The following SNTG1 variants were observed in gnomAD, a reference collection of about 807,000 sequenced individuals.
The protein encoded by SNTG1 is syntrophin gamma 1.
In SNTG1, 39 loss-of-function variants were observed where a neutral mutation model predicts 74.7. That is an observed-to-expected ratio of 0.52 (90% CI 0.40 to 0.68). SNTG1 has a LOEUF of 0.68. Among genes scored for constraint, SNTG1 ranks in the 30% least tolerant of loss-of-function variants. The probability of loss-of-function intolerance (pLI) is 0.00; values close to 1 mark genes in which losing one functional copy is unlikely to be tolerated. For synonymous variants in SNTG1, 254 were observed against 217.1 expected, an observed-to-expected ratio of 1.17 and a Z score of -1.49; for missense variants, 685 against 609.5, an observed-to-expected ratio of 1.12 and a Z score of -1.30.
chr8:50,158,258 G>T (rs76750387), intron 1 of SNTG1, among the ~76,000 whole-genome samples: 4 of 152,184 alleles, frequency 2.6e-5, no homozygotes, highest in Non-Finnish European at 5.9e-5. Flanking sequence ...GAAAATTCTT[G>T]AATTTATATG....
intron 12 of SNTG1, among the ~76,000 whole-genome samples, chr8:50,584,370 A>ACC (rs1421295402): frequency 1.3e-5 from 2 of 151,818 alleles, no homozygotes; most frequent in African/African-American, 4.8e-5. Context: ...GAACTAGTTT[A>ACC]CCGTCCCACC....
rs935311386 is a variant in SNTG1 at position 50,723,208 on chromosome 8, T to C, written c.1284+14230T>C. 2.2e-4 allele frequency among the ~76,000 whole-genome samples: 33 copies of C among 152,166 alleles called. 1 individual carries two copies. Among genetic ancestry groups the C allele is most frequent in the Admixed American group, 2.1e-3 (32 of 15,270 alleles). ...AGTAAAAATCTGGTCTGTAATTACT[T>C]AATATAAAGGTTTTGGGTCAAATTC... On this transcript the variant is annotated intron_variant, in intron 17 of 18. Transcript: ENST00000642720.
chr8:50,467,426 A>G (rs925759541), intron 8 of SNTG1, among the ~76,000 whole-genome samples: 1 of 151,796 alleles, frequency 6.6e-6, no homozygotes, highest in Admixed American at 6.6e-5. Flanking sequence ...GCGGGCATAG[A>G]GTTGTTCACA....
chr8:50,416,679 G>T (rs1203226640), intron 4 of SNTG1, among the ~76,000 whole-genome samples: 1 of 151,934 alleles, frequency 6.6e-6, no homozygotes, highest in African/African-American at 2.4e-5. Context: ...GAGACATTTT[G>T]TTTATGACTA....
At chr8:50,147,300 A>G (rs569571889) in intron 1 of SNTG1, among the ~76,000 whole-genome samples, 1 of 152,376 alleles carries the variant, frequency 6.6e-6, no homozygotes, top group Admixed American at 6.5e-5. Context: ...TTATAAATGT[A>G]TAACAAACTT....
intron 1 of SNTG1, among the ~76,000 whole-genome samples, chr8:50,136,183 C>T (rs1428549865): frequency 1.3e-5 from 2 of 152,068 alleles, no homozygotes; most frequent in African/African-American, 4.8e-5. Context: ...GATTTCATGG[C>T]TTTTCTATTG....
chr8:50,051,366 A>G (rs1819561772), intron 1 of SNTG1, among the ~76,000 whole-genome samples: 1 of 152,068 alleles, frequency 6.6e-6, no homozygotes, highest in African/African-American at 2.4e-5. Flanking sequence ...TACACTAGCA[A>G]TATGCAATCC....
At chr8:50,308,699 C>T (rs1436976894) in intron 2 of SNTG1, among the ~76,000 whole-genome samples, 1 of 152,048 alleles carries the variant, frequency 6.6e-6, no homozygotes, top group African/African-American at 2.4e-5. Flanking sequence ...TATGTCATAC[C>T]TACTCATTTA....
chr8:49,940,498 T>TA (rs372914857), intron 1 of SNTG1, among the ~76,000 whole-genome samples: 2 of 152,198 alleles, frequency 1.3e-5, no homozygotes, highest in African/African-American at 4.8e-5. Flanking sequence ...GAAATTCATG[T>TA]AAAAAAATCC....
Position 50,449,688 on chromosome 8 carries a change from T to C in SNTG1, c.240T>C (p.Ile80=). 1.3e-6 allele frequency: 2 copies of C among 1,599,622 alleles called. No individual in the cohort carries two copies. The highest frequency in any genetic ancestry group is 1.7e-6 in the Non-Finnish European group (2 of 1,171,764). Residue 80 remains isoleucine (I), a synonymous_variant, in exon 6 of 19, where the codon ATT becomes ATC. Transcript: ENST00000642720. ...TTCAGGGAGGAGCAGAACATAACAT[T>C]CCAGTTGTCGTTTCAAAAATCTCCA... ...LSIKGGAEHN[I]PVVVSKISKE... is the part of the protein sequence containing the mutation.
chr8:50,747,960 A>G (rs889247692), intron 17 of SNTG1: 2 of 151,458 alleles, frequency 1.3e-5, no homozygotes, highest in South Asian at 4.2e-4. Context: ...GTAAGACACA[A>G]TTTTTTTTTA....
At chr8:50,242,858 CTTTTA>C (rs1346832104) in intron 2 of SNTG1, among the ~76,000 whole-genome samples, 4 of 151,122 alleles carry the variant, frequency 2.6e-5, no homozygotes, top group Non-Finnish European at 1.5e-5. Flanking sequence ...CATATACTAC[CTTTTA>C]TTTATTTATG....
At chr8:50,127,580 G>C (rs1429662533) in intron 1 of SNTG1, among the ~76,000 whole-genome samples, 1 of 152,136 alleles carries the variant, frequency 6.6e-6, no homozygotes, top group South Asian at 2.1e-4. Flanking sequence ...CAATTTTCCT[G>C]TAATAACTGC....
At chr8:49,960,355 G>A (rs554537578) in intron 1 of SNTG1, among the ~76,000 whole-genome samples, 28 of 152,262 alleles carry the variant, frequency 1.8e-4, no homozygotes, top group Middle Eastern at 3.4e-3. Context: ...TAAATCAAGA[G>A]TCAAGATAAT....
intron 9 of SNTG1, among the ~76,000 whole-genome samples, chr8:50,511,546 G>A (rs1283618796): frequency 2.6e-5 from 4 of 152,148 alleles, no homozygotes. Context: ...TTGTGTGGGA[G>A]TCTAAGTCTC....
chr8:50,284,495 C>T (rs1004867283), intron 2 of SNTG1, among the ~76,000 whole-genome samples: 2 of 152,074 alleles, frequency 1.3e-5, no homozygotes, highest in Admixed American at 6.6e-5. Context: ...CAGATGGGTC[C>T]TTTAACATCC....
intron 13 of SNTG1, among the ~76,000 whole-genome samples, chr8:50,633,246 T>C (rs1366881363): frequency 2.6e-5 from 4 of 152,324 alleles, no homozygotes; most frequent in African/African-American, 9.6e-5. Context: ...TCTTCTGTGT[T>C]TCTAATGGTT....
intron 2 of SNTG1, among the ~76,000 whole-genome samples, chr8:50,193,964 G>A (rs554976938): frequency 3.9e-4 from 59 of 152,104 alleles, no homozygotes; most frequent in African/African-American, 7.5e-4. Flanking sequence ...TTTTTGTGGC[G>A]TACCACATTT....
At chr8:50,548,852 G>T (rs2094406405) in intron 11 of SNTG1, among the ~76,000 whole-genome samples, 1 of 152,176 alleles carries the variant, frequency 6.6e-6, no homozygotes, top group Admixed American at 6.5e-5. Context: ...ATTTTTAACG[G>T]ATTCTTCAGT....
Sources: gnomAD v4.1 joint callset for allele counts (sites outside exome capture counted in the v4.1 genomes callset) on GRCh38, gnomAD v4.1.1 for gene constraint, MANE v1.5 for transcripts, NCBI Gene and HGNC (gene_info 2026-07-23, HGNC 2026-07-21) for gene names.